The following C4orf54 variants were observed in gnomAD, a reference collection of about 807,000 sequenced individuals.
The protein encoded by C4orf54 is chromosome 4 open reading frame 54.
Under a neutral mutation model 80.1 loss-of-function variants are expected in C4orf54, and 67 were observed. The observed-to-expected ratio is 0.84, with a 90% CI of 0.69 to 1.03. The LOEUF (loss-of-function observed/expected upper bound fraction) is 1.03. C4orf54 is among the 50% of genes least tolerant of loss of function. The pLI is 0.00. For synonymous variants in C4orf54, 1,000 were observed against 917.0 expected, an observed-to-expected ratio of 1.09 and a Z score of -1.64; for missense variants, 2,434 against 2,253.5, an observed-to-expected ratio of 1.08 and a Z score of -1.62.
rs958379306 is a variant in C4orf54 at position 99,651,381 on chromosome 4, T to C, written c.3268A>G (p.Arg1090Gly). 6.5e-7 allele frequency: 1 copy of C among 1,536,218 alleles called. No individual in the cohort carries two copies. The highest frequency in any genetic ancestry group is 2.0e-5 in the Admixed American group (1 of 51,006). ...NLEKVPHFQV[R>G]DIRDKSKAQG... ...GCCTTGGACTTGTCTCTGATGTCTCTCACCTGGAAATGGGGCACTTTTTCT... is the reference window on the plus strand; with the variant it reads ...GCCTTGGACTTGTCTCTGATGTCTCCCACCTGGAAATGGGGCACTTTTTCT... Residue 1090 changes from arginine (R) to glycine (G), a missense_variant, in exon 2 of 3, where the codon AGA (arginine) becomes GGA (glycine). Arg to Gly is a moderately radical substitution (Grantham distance 125, BLOSUM62 -2). Coordinates refer to ENST00000511828, the MANE Select transcript of C4orf54 (RefSeq NM_001354435.2).
Position 99,650,170 on chromosome 4 carries a change from C to A in C4orf54, c.4479G>T (p.Glu1493Asp). Residue 1493 changes from glutamate (E) to aspartate (D), a missense_variant, in exon 2 of 3, where the codon GAG becomes GAT. Physicochemically the swap from Glu to Asp is conservative, Grantham distance 45 (BLOSUM62 2). Coordinates refer to ENST00000511828, the MANE Select transcript of C4orf54 (RefSeq NM_001354435.2). ...ELLSRPGASR[E>D]GPPNSSAATL... Reference sequence around the variant, plus strand: ...TGGCAGCTGAGGAGTTGGGGGGCCCCTCCCTGGAAGCCCCAGGCCTGCTAA... The same window carrying A: ...TGGCAGCTGAGGAGTTGGGGGGCCCATCCCTGGAAGCCCCAGGCCTGCTAA... 6.5e-7 allele frequency: 1 copy of A among 1,535,980 alleles called. No individual in the cohort carries two copies. Among genetic ancestry groups the A allele is most frequent in the Non-Finnish European group, 8.7e-7 (1 of 1,146,854 alleles).
intron 2 of C4orf54, among the ~76,000 whole-genome samples, chr4:99,647,252 C>A (rs148841553): frequency 8.1e-4 from 123 of 152,260 alleles, no homozygotes; most frequent in Non-Finnish European, 1.5e-3. Context: ...CAAGTGTGTG[C>A]CCGATCCTCC....
Position 99,652,694 on chromosome 4 carries a change from G to A in C4orf54, c.1955C>T (p.Thr652Met), listed in dbSNP as rs1232662153. 18 of 1,535,962 alleles carry A rather than the reference G, an allele frequency of 1.2e-5. No individual in the cohort carries two copies. Among genetic ancestry groups the A allele is most frequent in the Non-Finnish European group, 1.6e-5 (18 of 1,146,902 alleles). The change falls in exon 2 of 3, where the codon ACG becomes ATG. Residue 652 changes from threonine (T) to methionine (M), a missense_variant. Physicochemically the swap from Thr to Met is moderately conservative, Grantham distance 81. Coordinates refer to ENST00000511828, the MANE Select transcript of C4orf54 (RefSeq NM_001354435.2). Reference protein sequence around the residue: ...LNISSRESSTTLSEVGFGRWS... With the variant: ...LNISSRESSTMLSEVGFGRWS... ...GCGCCCAAAGCCCACTTCGGAGAGC[G>A]TGGTGGAGGACTCCCGGGAGCTGAT...
Position 99,652,335 on chromosome 4 carries a change from T to A in C4orf54, c.2314A>T (p.Thr772Ser). Residue 772 changes from threonine to serine, a missense_variant, in exon 2 of 3, where the codon ACC becomes TCC. Thr to Ser is a moderately conservative substitution (Grantham distance 58, BLOSUM62 1). Coordinates refer to ENST00000511828, the MANE Select transcript of C4orf54 (RefSeq NM_001354435.2). Reference sequence around the variant, plus strand: ...CCGGGACCCTTGCCGGGGCCTTTGGTGGCCCTGCCGGGCCCAGGGGCCGAG... The same window carrying A: ...CCGGGACCCTTGCCGGGGCCTTTGGAGGCCCTGCCGGGCCCAGGGGCCGAG... ...ASSAPGPGRA[T>S]KGPGKGPGSA... 6.5e-7 allele frequency: 1 copy of A among 1,535,838 alleles called. No individual in the cohort carries two copies.
At chr4:99,641,341 A>C (rs1010434084) in intron 2 of C4orf54, 145 bp from the exon 3 acceptor site, 2 of 152,180 alleles carry the variant, frequency 1.3e-5, no homozygotes, top group Non-Finnish European at 2.9e-5. Context: ...TAATGAAGTT[A>C]ACATTTTAAC....
At position 99,639,790 on chromosome 4, in the gene C4orf54, T is replaced by C. The variant is rs1369740803; in HGVS notation, c.*1443A>G. 1.3e-5 allele frequency: 2 copies of C among 152,132 alleles called. No homozygotes were observed. The highest frequency in any genetic ancestry group is 4.8e-5 in the African/African-American group (2 of 41,450). The allele number at this position is 152,132 out of a possible 1,614,324, so 9.4% of individuals were successfully genotyped here. ...CATACAAAACTCAGTCTCCTAGTTT[T>C]TTACTCACACTTTTTGTCATGAGTA... On this transcript the variant is annotated 3_prime_UTR_variant, in exon 3 of 3. Transcript: ENST00000511828.
rs1726812077 is a variant in C4orf54 at position 99,651,049 on chromosome 4, C to T, written c.3600G>A (p.Arg1200=). The T allele has an allele frequency of 2.6e-6, 4 of 1,536,010 alleles. No individual in the cohort carries two copies. The highest frequency in any genetic ancestry group is 1.4e-5 in the African/African-American group (1 of 73,044). Residue 1200 remains arginine, a synonymous_variant, in exon 2 of 3, where the codon AGG becomes AGA. Coordinates refer to ENST00000511828, the MANE Select transcript of C4orf54 (RefSeq NM_001354435.2). ...GTVLVHRASG[R]LPVATIAPNK... is the part of the protein sequence containing the mutation. The stretch of plus-strand genomic sequence containing the variant: ...TGGGGGCAATGGTAGCCACAGGCAG[C>T]CTGCCAGATGCCCTGTGAACCAAGA...
chr4:99,645,163 A>G (rs1429913431), intron 2 of C4orf54, among the ~76,000 whole-genome samples: 3 of 152,018 alleles, frequency 2.0e-5, no homozygotes, highest in Admixed American at 6.5e-5. Context: ...CTGAGTGCCA[A>G]TTTCCTCTTG....
rs2110257837 is a variant in C4orf54 at position 99,654,208 on chromosome 4, A to G, written c.441T>C (p.Ala147=). The change falls in exon 2 of 3, where the codon GCT becomes GCC. Residue 147 remains alanine (A), a synonymous_variant. Transcript: ENST00000511828. ...LKPGQGLIME[A]APPELNSKAR... is the part of the protein sequence containing the mutation. ...CTTTCGAATTCAGCTCAGGAGGGGCAGCTTCCATTATGAGCCCTTGCCCAG... is the reference window on the plus strand; with the variant it reads ...CTTTCGAATTCAGCTCAGGAGGGGCGGCTTCCATTATGAGCCCTTGCCCAG... 1 of 1,536,146 alleles carries G rather than the reference A, an allele frequency of 6.5e-7. No homozygotes were observed. Among genetic ancestry groups the G allele is most frequent in the African/African-American group, 1.4e-5 (1 of 73,162 alleles).
At chr4:99,657,260 C>T (rs1338754497) in intron 1 of C4orf54, among the ~76,000 whole-genome samples, 2 of 152,352 alleles carry the variant, frequency 1.3e-5, no homozygotes, top group East Asian at 1.9e-4. Flanking sequence ...TTTTCCAGCA[C>T]TTTTCATATG....
At chr4:99,648,042 C>CTTTTT (rs889847249) in intron 2 of C4orf54, among the ~76,000 whole-genome samples, 1 of 135,878 alleles carries the variant, frequency 7.4e-6, no homozygotes. Context: ...CTTTCCATCT[C>CTTTTT]TTTTTTTTTC....
At chr4:99,641,393 G>T (rs2110247277) in intron 2 of C4orf54, among the ~76,000 whole-genome samples, 197 bp from the exon 3 acceptor site, 1 of 152,138 alleles carries the variant, frequency 6.6e-6, no homozygotes, top group East Asian at 1.9e-4. Context: ...TAAACATTAT[G>T]CCAACTTCAG....
rs945753077 is a variant in C4orf54, at chr4:99,637,500, T to C, written c.*3733A>G. 6.6e-6 allele frequency: 1 copy of C among 152,214 alleles called. No homozygotes were observed. Among genetic ancestry groups the C allele is most frequent in the African/African-American group, 2.4e-5 (1 of 41,466 alleles). The allele number at this position is 152,214 out of a possible 1,614,324, so 9.4% of individuals were successfully genotyped here. On this transcript the variant is annotated 3_prime_UTR_variant, in exon 3 of 3. Transcript: ENST00000511828. The stretch of plus-strand genomic sequence containing the variant: ...CAATTAGCAAGTGCTACATGCTTTA[T>C]TAATGATTTTATGCACCTGTGAGGT...
chr4:99,657,792 G>GA lies in C4orf54; in HGVS notation c.-330dup, dbSNP rs1727003467. Among the ~76,000 whole-genome samples the GA allele has an allele frequency of 6.6e-6, 1 of 152,212 alleles. No individual in the cohort carries two copies. The highest frequency in any genetic ancestry group is 2.1e-4 in the South Asian group (1 of 4,834). ...GTTCTGGAGTAGTATATGTTACTATGAAAATGGATGTTGTCAGTTTTGTTG... is the reference window on the plus strand; with the variant it reads ...GTTCTGGAGTAGTATATGTTACTATGAAAAATGGATGTTGTCAGTTTTGTTG... On this transcript the variant is annotated 5_prime_UTR_variant, in exon 1 of 3. Coordinates refer to ENST00000511828, the MANE Select transcript of C4orf54 (RefSeq NM_001354435.2).
chr4:99,646,330 C>T (rs140889335), intron 2 of C4orf54, among the ~76,000 whole-genome samples: 11 of 152,166 alleles, frequency 7.2e-5, no homozygotes, highest in Non-Finnish European at 1.2e-4. Flanking sequence ...CACAGTGGCT[C>T]GTAGAATGTA....
Position 99,653,615 on chromosome 4 carries a change from T to A in C4orf54, c.1034A>T (p.Glu345Val). 1 of 1,535,964 alleles carries A rather than the reference T, an allele frequency of 6.5e-7. No individual in the cohort carries two copies. The highest frequency in any genetic ancestry group is 8.7e-7 in the Non-Finnish European group (1 of 1,146,858). ...GGGGGAGDGT[E>V]CRDIIAKSQG... ...GGACTTGGCAATAATGTCCCTGCAC[T>A]CTGTTCCATCTCCTGCCCCTCCTCC... Residue 345 changes from glutamate to valine, a missense_variant, in exon 2 of 3, where the codon GAG becomes GTG. Physicochemically the swap from Glu to Val is moderately radical, Grantham distance 121 (BLOSUM62 -2). Coordinates refer to ENST00000511828, the MANE Select transcript of C4orf54 (RefSeq NM_001354435.2).
intron 2 of C4orf54, among the ~76,000 whole-genome samples, chr4:99,648,478 T>C (rs1265484307): frequency 6.6e-6 from 1 of 152,108 alleles, no homozygotes; most frequent in African/African-American, 2.4e-5. Flanking sequence ...TGGACAGGAC[T>C]GGATTAAACA....
rs1263940029 is a variant in C4orf54, at chr4:99,650,681, C to T, written c.3968G>A (p.Gly1323Asp). 4.6e-6 allele frequency: 7 copies of T among 1,536,012 alleles called. No homozygotes were observed. The highest frequency in any genetic ancestry group is 4.1e-5 in the African/African-American group (3 of 73,042). ...SKRLGEVEER[G>D]TGNKAGVVLR... is the part of the protein sequence containing the mutation. ...GACCACACCAGCTTTGTTTCCTGTG[C>T]CCCGCTCTTCCACCTCACCCAGCCG... Residue 1323 changes from glycine to aspartate, a missense_variant, in exon 2 of 3, where the codon GGC (glycine) becomes GAC (aspartate). By Grantham distance (94) the Gly-to-Asp change is moderately conservative (BLOSUM62 -1). Coordinates refer to ENST00000511828, the MANE Select transcript of C4orf54 (RefSeq NM_001354435.2).
chr4:99,647,755 T>C (rs965262617), intron 2 of C4orf54, among the ~76,000 whole-genome samples: 1 of 152,226 alleles, frequency 6.6e-6, no homozygotes, highest in African/African-American at 2.4e-5. Context: ...TAGCTTGCAA[T>C]ACATTGTTAT....
Sources: allele counts gnomAD v4.1 joint callset (sites outside exome capture counted in the v4.1 genomes callset), GRCh38; gene constraint gnomAD v4.1.1; transcripts MANE v1.5; gene names NCBI Gene and HGNC (gene_info 2026-07-23, HGNC 2026-07-21).